Variants in PTPRD observed in about 807,000 individuals in gnomAD.
PTPRD encodes the protein protein tyrosine phosphatase receptor type D.
PTPRD carries 34 observed loss-of-function variants against 214.5 expected under a neutral mutation model. That is an observed-to-expected ratio of 0.16 (90% confidence interval 0.12 to 0.21). The LOEUF (loss-of-function observed/expected upper bound fraction) is 0.21. Among genes scored for constraint, PTPRD ranks in the 10% least tolerant of loss-of-function variants. PTPRD has a pLI of 1.00. For synonymous variants in PTPRD, 1,128 were observed against 845.7 expected (o/e 1.33, Z -5.79); for missense variants, 2,545 against 2,398.7 (o/e 1.06, Z -1.27).
intron 9 of PTPRD, among the ~76,000 whole-genome samples, chr9:9,328,630 T>C (rs1256052242): frequency 2.7e-4 from 11 of 40,082 alleles, no homozygotes; most frequent in African/African-American, 1.8e-3. Flanking sequence ...TTTTTTTTTT[T>C]TTTTTTTTTT....
intron 8 of PTPRD, among the ~76,000 whole-genome samples, chr9:9,524,034 A>T (rs985742401): frequency 2.0e-5 from 3 of 152,166 alleles, no homozygotes; most frequent in African/African-American, 7.2e-5. Flanking sequence ...AGGGCAGTGA[A>T]TGCAAAACAG....
intron 7 of PTPRD, among the ~76,000 whole-genome samples, chr9:9,714,690 G>T (rs1176744995): frequency 1.3e-5 from 2 of 152,166 alleles, no homozygotes; most frequent in African/African-American, 4.8e-5. Context: ...ACTGAAGAGT[G>T]GTGGAGCTGA....
In PTPRD at chr9:8,507,343, G is replaced by A; in HGVS notation, c.1635C>T (p.Ala545=). ...SWTPPRSDTI[A]NYELVYKDGE... ...CATCTTTGTAGACCAGTTCATAGTT[G>A]GCAATGGTATCTGAACGTGGAGGTG... is the stretch of plus-strand genomic sequence containing the variant. The change falls in exon 22 of 46, where the codon GCC becomes GCT. Residue 545 remains alanine, a synonymous_variant. Transcript: ENST00000381196. 6.2e-7 allele frequency: 1 copy of A among 1,613,920 alleles called. No homozygotes were observed. The highest frequency in any genetic ancestry group is 8.5e-7 in the Non-Finnish European group (1 of 1,179,868).
At chr9:9,532,467 C>T (rs751160682) in intron 8 of PTPRD, among the ~76,000 whole-genome samples, 33 of 152,144 alleles carry the variant, frequency 2.2e-4, no homozygotes, top group Non-Finnish European at 4.0e-4. Flanking sequence ...TGGCTTTCAA[C>T]ATGGAATCAA....
chr9:8,873,449 G>A (rs10759009), intron 11 of PTPRD, among the ~76,000 whole-genome samples: 43,384 of 151,948 alleles, frequency 0.29, 6,700 homozygotes, highest in Non-Finnish European at 0.34. Flanking sequence ...TTGATTTCCC[G>A]TATACCCCTA....
chr9:9,677,452 A>C (rs976261519), intron 7 of PTPRD, among the ~76,000 whole-genome samples: 1 of 152,146 alleles, frequency 6.6e-6, no homozygotes, highest in Admixed American at 6.6e-5. Context: ...ATATAAACAG[A>C]ACCAATGACA....
intron 9 of PTPRD, among the ~76,000 whole-genome samples, chr9:9,282,968 A>G (rs901115048): frequency 6.6e-6 from 1 of 151,462 alleles, no homozygotes; most frequent in Non-Finnish European, 1.5e-5. Context: ...ATGAAGAAAC[A>G]TTCTTCCACA....
chr9:10,139,474 T>C (rs548142373), intron 3 of PTPRD, among the ~76,000 whole-genome samples: 1 of 152,112 alleles, frequency 6.6e-6, no homozygotes, highest in East Asian at 1.9e-4. Flanking sequence ...GATTCAATGG[T>C]ATTCCTACCA....
At chr9:9,541,964 G>A (rs1193572033) in intron 8 of PTPRD, among the ~76,000 whole-genome samples, 2 of 151,688 alleles carry the variant, frequency 1.3e-5, no homozygotes. Flanking sequence ...TAAGAGTAAA[G>A]TAAACCCAGA....
chr9:9,873,104 C>A (rs1395221606), intron 5 of PTPRD, among the ~76,000 whole-genome samples: 1 of 152,116 alleles, frequency 6.6e-6, no homozygotes, highest in East Asian at 1.9e-4. Context: ...TCCATGAAGT[C>A]AGCACATTTC....
At chr9:8,353,088 C>T (rs796614086) in intron 39 of PTPRD, among the ~76,000 whole-genome samples, 10 of 152,040 alleles carry the variant, frequency 6.6e-5, no homozygotes, top group Middle Eastern at 3.4e-3. Context: ...TCCAGCCTGG[C>T]GACAGAACAA....
chr9:9,871,160 GAAAAT>G (rs1309085915), intron 5 of PTPRD, among the ~76,000 whole-genome samples: 2 of 151,948 alleles, frequency 1.3e-5, no homozygotes, highest in Non-Finnish European at 2.9e-5. Context: ...AAATTAGAAA[GAAAAT>G]AAAATAATTT....
chr9:9,634,847 A>G (rs545588012), intron 7 of PTPRD, among the ~76,000 whole-genome samples: 2 of 152,332 alleles, frequency 1.3e-5, no homozygotes, highest in African/African-American at 4.8e-5. Flanking sequence ...AGCAGGGATT[A>G]CAAGTTACTT....
intron 9 of PTPRD, among the ~76,000 whole-genome samples, chr9:9,365,983 T>G (rs540327552): frequency 2.0e-5 from 3 of 151,536 alleles, no homozygotes; most frequent in South Asian, 4.1e-4. Context: ...GATATTAAAC[T>G]ATAATATTAT....
At chr9:9,943,022 C>T (rs547407242) in intron 4 of PTPRD, among the ~76,000 whole-genome samples, 1 of 152,018 alleles carries the variant, frequency 6.6e-6, no homozygotes, top group African/African-American at 2.4e-5. Context: ...CTTCCCTGCA[C>T]TAACTCGGGG....
At chr9:9,745,548 A>G (rs752391094) in intron 6 of PTPRD, among the ~76,000 whole-genome samples, 1 of 152,144 alleles carries the variant, frequency 6.6e-6, no homozygotes, top group Non-Finnish European at 1.5e-5. Context: ...CTGTGTTCCC[A>G]TGATTTTTAT....
chr9:9,516,087 T>C (rs1326238932), intron 8 of PTPRD, among the ~76,000 whole-genome samples: 1 of 152,162 alleles, frequency 6.6e-6, no homozygotes, highest in Non-Finnish European at 1.5e-5. Flanking sequence ...TTGGGATAAT[T>C]TTGAGTATAC....
In PTPRD at chr9:10,401,253, C is replaced by A. The variant is rs528112341; in HGVS notation, c.-599-60236G>T. Among the ~76,000 whole-genome samples, 3 of 151,638 alleles carry A rather than the reference C, an allele frequency of 2.0e-5. No homozygotes were observed. The East Asian group carries it at 5.9e-4, about 30-fold the overall frequency. On this transcript the variant is annotated intron_variant, in intron 2 of 45. Coordinates refer to ENST00000381196, the MANE Select transcript of PTPRD (RefSeq NM_002839.4). ...TTGTGCTACTTTATTTTATTTAATACAGCAGTAGCATCGCTGGAAATAATA... is the reference window on the plus strand; with the variant it reads ...TTGTGCTACTTTATTTTATTTAATAAAGCAGTAGCATCGCTGGAAATAATA...
chr9:8,354,865 A>C (rs1198490498), intron 39 of PTPRD, among the ~76,000 whole-genome samples: 1 of 152,202 alleles, frequency 6.6e-6, no homozygotes, highest in Non-Finnish European at 1.5e-5. Context: ...ATGTTGGTCC[A>C]AGAGAGAAAT....
Sources: allele counts gnomAD v4.1 joint callset (sites outside exome capture counted in the v4.1 genomes callset), GRCh38; gene constraint gnomAD v4.1.1; transcripts MANE v1.5; gene names NCBI Gene and HGNC (gene_info 2026-07-23, HGNC 2026-07-21).